Variants in MTFR1 observed in about 807,000 individuals in gnomAD.
MTFR1 encodes the protein mitochondrial fission regulator 1.
A neutral mutation model predicts 38.8 loss-of-function variants in MTFR1; 28 were observed. That is an observed-to-expected ratio of 0.72 (90% CI 0.53 to 0.99). The LOEUF (loss-of-function observed/expected upper bound fraction) is 0.99, where lower values mean the gene tolerates loss of function less well. MTFR1 is among the 50% of genes least tolerant of loss of function. The pLI, the probability that MTFR1 is intolerant of heterozygous loss-of-function variation, is 0.00. For missense variants in MTFR1, 358 were observed against 395.5 expected, an observed-to-expected ratio of 0.91 and a Z score of 0.81; for synonymous variants, 145 against 137.0, an observed-to-expected ratio of 1.06 and a Z score of -0.41.
downstream of MTFR1, among the ~76,000 whole-genome samples, chr8:65,772,939 C>T (rs1188472582): frequency 3.3e-5 from 5 of 152,004 alleles, no homozygotes; most frequent in Admixed American, 1.3e-4. Context: ...ACCTGGGAGA[C>T]GGAGGCTGCA....
intron 3 of MTFR1, chr8:65,727,052 T>C (rs1242973592): frequency 1.4e-5 from 14 of 981,468 alleles, no homozygotes; most frequent in Non-Finnish European, 2.3e-5. Context: ...GCAATATTAA[T>C]CTGGTTAAAA....
chr8:65,647,587 G>C (rs942438003), intron 1 of MTFR1, among the ~76,000 whole-genome samples: 5 of 152,190 alleles, frequency 3.3e-5, no homozygotes, highest in Non-Finnish European at 7.3e-5. Context: ...TGGGATTATA[G>C]GTGTGAGCCA....
intron 1 of MTFR1, among the ~76,000 whole-genome samples, chr8:65,645,771 C>T (rs1027421991): frequency 1.3e-5 from 2 of 148,480 alleles, no homozygotes; most frequent in African/African-American, 2.5e-5. Flanking sequence ...TTAAGCGATC[C>T]TCCCTCCTTG....
chr8:65,701,753 G>C (rs1805616684), intron 4 of MTFR1, among the ~76,000 whole-genome samples: 1 of 152,098 alleles, frequency 6.6e-6, no homozygotes, highest in Admixed American at 6.6e-5. Context: ...GTTTTTTAAG[G>C]AGTGTCAGGG....
intron 1 of MTFR1, among the ~76,000 whole-genome samples, chr8:65,649,206 G>T (rs1286291220): frequency 6.6e-6 from 1 of 151,586 alleles, no homozygotes; most frequent in East Asian, 1.9e-4. Context: ...TTGAGATGGA[G>T]TTTTGCTCTT....
At chr8:65,763,082 ATAAAT>A (rs1202451395) in intron 3 of MTFR1, among the ~76,000 whole-genome samples, 1 of 151,982 alleles carries the variant, frequency 6.6e-6, no homozygotes, top group East Asian at 1.9e-4. Context: ...AACCAAAGAA[ATAAAT>A]TAGCCACTCG....
Position 65,735,012 on chromosome 8 carries a change from G to A in MTFR1, c.*48+15531G>A, listed in dbSNP as rs190051148. On this transcript the variant is annotated intron_variant, in intron 3 of 3. Coordinates refer to the MTFR1 transcript ENST00000521247. ...TTTCATGTAGCTATCGGCTAAAATC[G>A]TGCCGATTCGGGCAGATGATAATCA... The A allele has an allele frequency of 7.3e-4, 493 of 671,726 alleles. 8 individuals are homozygous for A. The highest frequency in any genetic ancestry group is 3.9e-3 in the South Asian group (222 of 56,226). The allele number at this position is 671,726 out of a possible 1,614,324, so 41.6% of individuals were successfully genotyped here. A position where few individuals can be genotyped will look rare whatever the true frequency, so the allele number is the denominator to read the frequency against.
chr8:65,665,887 A>AT lies in MTFR1; in HGVS notation c.-80-3980dup, dbSNP rs536894316. 6.0e-5 allele frequency among the ~76,000 whole-genome samples: 9 copies of AT among 150,904 alleles called. No homozygotes were observed. In the South Asian group the frequency reaches 1.9e-3, roughly 32 times the overall value. On this transcript the variant is annotated intron_variant, in intron 1 of 7. Coordinates refer to ENST00000262146, the MANE Select transcript of MTFR1 (RefSeq NM_014637.4). ...GTTAGCATTAACCTACTTTTTTAGGATTTTTTACTAAAATGGCTTTATGCA... is the reference window on the plus strand; with the variant it reads ...GTTAGCATTAACCTACTTTTTTAGGATTTTTTTACTAAAATGGCTTTATGCA...
intron 1 of MTFR1, among the ~76,000 whole-genome samples, chr8:65,662,032 C>CCTCTCTCTCCCCCT (rs1809433625): frequency 9.9e-6 from 1 of 100,534 alleles, no homozygotes; most frequent in East Asian, 3.8e-4. Context: ...TCTCTCTCTC[C>CCTCTCTCTCCCCCT]CTCTCTCTCC....
intron 4 of MTFR1, among the ~76,000 whole-genome samples, chr8:65,701,732 T>C (rs1278274231): frequency 1.3e-5 from 2 of 152,202 alleles, no homozygotes; most frequent in African/African-American, 2.4e-5. Context: ...AAGTATAAGA[T>C]GGAATGTGCT....
chr8:65,755,661 A>C (rs1300450723), intron 3 of MTFR1, among the ~76,000 whole-genome samples: 2 of 152,242 alleles, frequency 1.3e-5, no homozygotes, highest in African/African-American at 2.4e-5. Context: ...GTTATAAACC[A>C]AAAATATAAC....
intron 3 of MTFR1, among the ~76,000 whole-genome samples, chr8:65,755,412 T>A (rs553925709): frequency 6.6e-6 from 1 of 152,342 alleles, no homozygotes; most frequent in Non-Finnish European, 1.5e-5. Flanking sequence ...TGTGTATTTT[T>A]AAATTTACTT....
At chr8:65,673,348 A>T (rs1248213092) in intron 2 of MTFR1, among the ~76,000 whole-genome samples, 1 of 151,898 alleles carries the variant, frequency 6.6e-6, no homozygotes, top group Non-Finnish European at 1.5e-5. Context: ...AGTAGTAACA[A>T]ATAACGTCAA....
At chr8:65,711,345 C>T (rs375008685), downstream of MTFR1, among the ~76,000 whole-genome samples, 34 of 152,156 alleles carry the variant, frequency 2.2e-4, 1 homozygote, top group East Asian at 2.9e-3. Flanking sequence ...GAGGAATACA[C>T]GTGGTAATAA....
chr8:65,703,337 C>T (rs902444793), intron 4 of MTFR1, among the ~76,000 whole-genome samples: 3 of 148,366 alleles, frequency 2.0e-5, no homozygotes, highest in African/African-American at 5.0e-5. Flanking sequence ...GGTAACAGAG[C>T]GAGATCCTGT....
chr8:65,654,064 C>CAAAA (rs34665689), intron 1 of MTFR1, among the ~76,000 whole-genome samples: 2 of 83,672 alleles, frequency 2.4e-5, no homozygotes, highest in African/African-American at 5.5e-5. Context: ...CTTTGTCTCT[C>CAAAA]AAAAAAAAAA....
chr8:65,707,219 A>G lies in MTFR1; in HGVS notation c.727A>G (p.Lys243Glu), dbSNP rs1282083846. Residue 243 changes from lysine to glutamate, a missense_variant, in exon 6 of 8, where the codon AAA (lysine) becomes GAA (glutamate). Transcript: ENST00000262146. ...PEMPNMLEIL[K>E]EMNSVKLRSV... Reference sequence around the variant, plus strand: ...AATGCCAAATATGCTAGAGATCCTTAAAGAGATGAACAGTGTAAAACTTCG... The same window carrying G: ...AATGCCAAATATGCTAGAGATCCTTGAAGAGATGAACAGTGTAAAACTTCG... 2 of 1,614,212 alleles carry G rather than the reference A, an allele frequency of 1.2e-6. No individual in the cohort carries two copies. Among genetic ancestry groups the G allele is most frequent in the Non-Finnish European group, 1.7e-6 (2 of 1,180,014 alleles).
chr8:65,710,222 G>C lies in MTFR1; in HGVS notation c.*1178G>C, dbSNP rs1805904645. 6.6e-6 allele frequency: 1 copy of C among 152,094 alleles called. No homozygotes were observed. The highest frequency in any genetic ancestry group is 2.4e-5 in the African/African-American group (1 of 41,414). The allele number at this position is 152,094 out of a possible 1,614,324, so 9.4% of individuals were successfully genotyped here. A position where few individuals can be genotyped will look rare whatever the true frequency, so the allele number is the denominator to read the frequency against. On this transcript the variant is annotated 3_prime_UTR_variant, in exon 8 of 8. Transcript: ENST00000262146. ...AAGAAGAAAGTTGTACTTCCTGGCT[G>C]GGAGTATTAGGAGATGGGAGTAGAG...
intron 3 of MTFR1, chr8:65,726,995 T>C (rs144980728): frequency 0.012 from 14,521 of 1,231,842 alleles, 125 homozygotes; most frequent in Non-Finnish European, 0.013. Context: ...CTGAGTTACT[T>C]AATGATACGT....
Sources: allele counts gnomAD v4.1 joint callset (sites outside exome capture counted in the v4.1 genomes callset), GRCh38; gene constraint gnomAD v4.1.1; transcripts MANE v1.5; gene names NCBI Gene and HGNC (gene_info 2026-07-23, HGNC 2026-07-21).